Variants in ATIC observed in about 807,000 individuals in gnomAD.
ATIC encodes the protein 5-aminoimidazole-4-carboxamide ribonucleotide formyltransferase/IMP cyclohydrolase.
In ATIC, 64 loss-of-function variants were observed where a neutral mutation model predicts 72.5. That is an observed-to-expected ratio of 0.88 (90% CI 0.72 to 1.09). The LOEUF (loss-of-function observed/expected upper bound fraction) is 1.09. ATIC is among the 50% of genes least tolerant of loss of function. ATIC has a pLI of 0.00. For synonymous variants in ATIC, 281 were observed against 267.1 expected (o/e 1.05, Z -0.51); for missense variants, 787 against 732.4 (o/e 1.07, Z -0.86).
Position 215,349,653 on chromosome 2 carries a change from T to A in ATIC, c.1777T>A (p.Ter593ArgextTer14). 6.2e-7 allele frequency: 1 copy of A among 1,614,174 alleles called. No homozygotes were observed. The highest frequency in any genetic ancestry group is 1.3e-5 in the African/African-American group (1 of 75,030). Reference sequence around the variant, plus strand: ...TACGAACCTTCGGCTCTTCCACCACTGATTTTACCACACACTGTTTTTTGG... The same window carrying A: ...TACGAACCTTCGGCTCTTCCACCACAGATTTTACCACACACTGTTTTTTGG... ...AHTNLRLFHH* is the reference protein window; with the variant it reads ...AHTNLRLFHHR Residue 593 changes from the stop codon to arginine (R), a stop_lost, in exon 16 of 16, where the codon TGA (stop) becomes AGA (arginine). Transcript: ENST00000236959.
chr2:215,325,906 C>G, intron 5 of ATIC, 81 bp from the exon 6 acceptor site: 2 of 1,512,286 alleles, frequency 1.3e-6, no homozygotes, highest in Non-Finnish European at 1.8e-6. Flanking sequence ...AATGGAAGTA[C>G]ATGCACAATG....
chr2:215,340,617 A>T (rs1050705912), intron 12 of ATIC, among the ~76,000 whole-genome samples: 2 of 152,182 alleles, frequency 1.3e-5, no homozygotes, highest in African/African-American at 4.8e-5. Context: ...GATAAGGTGT[A>T]GGAGGTATCT....
chr2:215,315,780 A>G (rs1434506238), intron 2 of ATIC, among the ~76,000 whole-genome samples: 1 of 151,938 alleles, frequency 6.6e-6, no homozygotes, highest in East Asian at 2.0e-4. Context: ...GTGCAACTCC[A>G]TCTCTGCTAA....
At chr2:215,312,434 C>T in intron 1 of ATIC, 64 bp from the exon 2 acceptor site, 2 of 1,613,584 alleles carry the variant, frequency 1.2e-6, no homozygotes, top group South Asian at 1.1e-5. Flanking sequence ...CAGACCCTCC[C>T]AAGGCCTTGC....
the ATIC span, among the ~76,000 whole-genome samples, chr2:215,366,829 ACGT>A: frequency 5.9e-5 from 9 of 152,248 alleles, no homozygotes; most frequent in South Asian, 4.2e-4. Context: ...ACAAACTTAA[ACGT>A]AGTTCGATTT....
the ATIC span, chr2:215,362,330 T>C: frequency 4.0e-6 from 2 of 495,076 alleles, no homozygotes; most frequent in East Asian, 7.7e-5. Context: ...CTTCTCTTCC[T>C]ATTCAAACCT....
the ATIC span, among the ~76,000 whole-genome samples, chr2:215,367,397 A>C: frequency 1.3e-5 from 2 of 152,176 alleles, no homozygotes; most frequent in Non-Finnish European, 1.5e-5. Context: ...TATGTGTGTG[A>C]CGCAAAAGTG....
chr2:215,366,032 G>A, the ATIC span, among the ~76,000 whole-genome samples: 2 of 142,018 alleles, frequency 1.4e-5, no homozygotes, highest in Non-Finnish European at 3.0e-5. Context: ...TGGGTAGGCT[G>A]GTCTCAAACT....
intron 4 of ATIC, among the ~76,000 whole-genome samples, chr2:215,323,962 A>G: frequency 6.6e-6 from 1 of 152,110 alleles, no homozygotes; most frequent in Admixed American, 6.5e-5. Context: ...GGGTTTCTCC[A>G]TGTTGGTCAG....
the ATIC span, among the ~76,000 whole-genome samples, chr2:215,360,175 T>TGA: frequency 6.6e-6 from 1 of 152,190 alleles, no homozygotes; most frequent in Non-Finnish European, 1.5e-5. Flanking sequence ...TGACCTCAGG[T>TGA]GATCCACCTG....
downstream of ATIC, among the ~76,000 whole-genome samples, chr2:215,351,618 G>A (rs565494745): frequency 2.6e-5 from 4 of 152,254 alleles, no homozygotes; most frequent in East Asian, 7.7e-4. Context: ...GCTGGGCATG[G>A]TGGCTCCTGT....
At chr2:215,351,637 T>G (rs749980151), downstream of ATIC, among the ~76,000 whole-genome samples, 8 of 152,094 alleles carry the variant, frequency 5.3e-5, no homozygotes, top group Non-Finnish European at 8.8e-5. Flanking sequence ...GTTTGTAGTA[T>G]TCTTCACATA....
chr2:215,335,094 A>G, intron 10 of ATIC, 90 bp downstream of exon 10: 1 of 682,188 alleles, frequency 1.5e-6, no homozygotes. Flanking sequence ...TATAATATTT[A>G]TATTTATAAT....
Position 215,332,345 on chromosome 2 carries a change from C to G in ATIC, c.689-37C>G, listed in dbSNP as rs112449215. On this transcript the variant is annotated intron_variant, in intron 7 of 15. Transcript: ENST00000236959. ...TGTGCATACATCTGACCTTACTGAT[C>G]CTGCTTAGTAATGTGCATGTATATT... 3.7e-6 allele frequency: 6 copies of G among 1,613,460 alleles called. No individual in the cohort carries two copies. In the African/African-American group the frequency reaches 6.7e-5, roughly 18 times the overall value.
rs776191494 is a variant in ATIC at position 215,349,517 on chromosome 2, A to T, written c.1660-19A>T. Reference sequence around the variant, plus strand: ...TTTTACATAAAATCGCGTTTTGAAAATCAATATACTTCCCCCAGAGTGGTG... The same window carrying T: ...TTTTACATAAAATCGCGTTTTGAAATTCAATATACTTCCCCCAGAGTGGTG... On this transcript the variant is annotated intron_variant, in intron 15 of 15. Coordinates refer to ENST00000236959, the MANE Select transcript of ATIC (RefSeq NM_004044.7). 8 of 1,613,970 alleles carry T rather than the reference A, an allele frequency of 5.0e-6. No individual in the cohort carries two copies. Among genetic ancestry groups the T allele is most frequent in the Non-Finnish European group, 6.8e-6 (8 of 1,180,022 alleles).
rs1349676738 is a variant in ATIC, at chr2:215,329,950, CAG to C, written c.689-2429_689-2428del. On this transcript the variant is annotated intron_variant, in intron 7 of 15. Transcript: ENST00000236959. ...CTAATTTTTGTATTTTTAGTAAAGACAGAGTTTCACCATATTGGCCAGACCAG... is the reference window on the plus strand; with the variant it reads ...CTAATTTTTGTATTTTTAGTAAAGACAGTTTCACCATATTGGCCAGACCAG... 2.6e-5 allele frequency among the ~76,000 whole-genome samples: 4 copies of C among 152,192 alleles called. No homozygotes were observed. In the East Asian group the frequency reaches 7.7e-4, roughly 29 times the overall value.
intron 9 of ATIC, among the ~76,000 whole-genome samples, chr2:215,334,316 C>T (rs1338037265): frequency 6.6e-6 from 1 of 150,694 alleles, no homozygotes; most frequent in African/African-American, 2.4e-5. Context: ...GCCTCAGCGT[C>T]CTGAGTAGCT....
At chr2:215,347,132 GTT>G (rs1575126435) in intron 14 of ATIC, 191 bp downstream of exon 14, 11 of 774,904 alleles carry the variant, frequency 1.4e-5, no homozygotes, top group African/African-American at 1.7e-5. Context: ...TTTCTTCATT[GTT>G]TTTGACCCCT....
chr2:215,317,675 G>T (rs13404113), intron 2 of ATIC, among the ~76,000 whole-genome samples: 33,948 of 152,000 alleles, frequency 0.22, 4,516 homozygotes, highest in Non-Finnish European at 0.3. Context: ...TTTTAGTAGA[G>T]CTGGGGTTTC....
Sources: gnomAD v4.1 joint callset for allele counts (sites outside exome capture counted in the v4.1 genomes callset) on GRCh38, gnomAD v4.1.1 for gene constraint, MANE v1.5 for transcripts, NCBI Gene and HGNC (gene_info 2026-07-23, HGNC 2026-07-21) for gene names.